OR10H5: variants seen among roughly 807,000 people sequenced by gnomAD.
The protein encoded by OR10H5 is olfactory receptor family 10 subfamily H member 5.
In OR10H5, 7 loss-of-function variants were observed where a neutral mutation model predicts 12.2. The observed-to-expected ratio is 0.57, with a 90% CI of 0.33 to 1.07. The LOEUF (loss-of-function observed/expected upper bound fraction) is 1.07, where lower values mean the gene tolerates loss of function less well. OR10H5 is among the 50% of genes least tolerant of loss of function. OR10H5 has a pLI of 0.04. For missense variants in OR10H5, 346 were observed against 411.6 expected (o/e 0.84, Z 1.38); for synonymous variants, 159 against 175.1 (o/e 0.91, Z 0.73).
At position 15,792,772 on chromosome 19, in the gene OR10H5, C is replaced by T. The variant is rs906962841; in HGVS notation, c.-11-1266C>T. 3.3e-5 allele frequency among the ~76,000 whole-genome samples: 5 copies of T among 152,012 alleles called. No homozygotes were observed. The East Asian group carries it at 7.7e-4, about 23-fold the overall frequency. On this transcript the variant is annotated intron_variant, in intron 1 of 1. Transcript: ENST00000642092. ...TGAGCTACTGTGCCCGGCCCTTAAC[C>T]TTAAATTCTTAAGTGTTTATTCCAG...
Position 15,794,889 on chromosome 19 carries a change from G to T in OR10H5, c.841G>T (p.Val281Phe). The T allele has an allele frequency of 6.2e-7, 1 of 1,614,080 alleles. No individual in the cohort carries two copies. The highest frequency in any genetic ancestry group is 8.5e-7 in the Non-Finnish European group (1 of 1,180,020). Reference protein sequence around the residue: ...GDTLMGITYTVLTPFLSPIIF... With the variant: ...GDTLMGITYTFLTPFLSPIIF... ...CACCTTGATGGGCATCACCTACACG[G>T]TCCTCACACCCTTCCTCAGCCCCAT... Residue 281 changes from valine to phenylalanine, a missense_variant, in exon 2 of 2, where the codon GTC (valine) becomes TTC (phenylalanine). Coordinates refer to ENST00000642092, the MANE Select transcript of OR10H5 (RefSeq NM_001004466.2).
intron 1 of OR10H5, among the ~76,000 whole-genome samples, chr19:15,790,172 G>A (rs2088803228): frequency 6.6e-6 from 1 of 152,126 alleles, no homozygotes; most frequent in African/African-American, 2.4e-5. Context: ...GAAGAGGTGA[G>A]CTGCACAAGG....
At chr19:15,789,575 G>A (rs992212561) in intron 1 of OR10H5, among the ~76,000 whole-genome samples, 3 of 152,100 alleles carry the variant, frequency 2.0e-5, no homozygotes, top group Non-Finnish European at 4.4e-5. Context: ...TTCTGCGTGT[G>A]CACCAGTCTG....
rs1043630255 is a variant in OR10H5, at chr19:15,787,733, A to G, written c.-12+17A>G. 6.6e-6 allele frequency: 1 copy of G among 152,454 alleles called. No homozygotes were observed. The highest frequency in any genetic ancestry group is 2.4e-5 in the African/African-American group (1 of 41,434). The allele number at this position is 152,454 out of a possible 1,614,324, so 9.4% of individuals were successfully genotyped here. ...CTGATGAAGGTAAGTGGAGTCGTCTATTTCCAAACCTGCTTTCCAGGATGA... is the reference window on the plus strand; with the variant it reads ...CTGATGAAGGTAAGTGGAGTCGTCTGTTTCCAAACCTGCTTTCCAGGATGA... On this transcript the variant is annotated intron_variant, in intron 1 of 1. Coordinates refer to ENST00000642092, the MANE Select transcript of OR10H5 (RefSeq NM_001004466.2).
At chr19:15,790,483 C>T (rs549198875) in intron 1 of OR10H5, among the ~76,000 whole-genome samples, 115 of 152,284 alleles carry the variant, frequency 7.6e-4, no homozygotes, top group Admixed American at 2.4e-3. Context: ...CATGGGTCTG[C>T]GTGACTCCAC....
chr19:15,788,101 A>C (rs536774253), intron 1 of OR10H5, among the ~76,000 whole-genome samples: 6 of 152,212 alleles, frequency 3.9e-5, no homozygotes, highest in Admixed American at 3.9e-4. Flanking sequence ...ATGTGGGTGT[A>C]CTTAGGCATC....
At position 15,794,435 on chromosome 19, in the gene OR10H5, C is replaced by T. The variant is rs566796292; in HGVS notation, c.387C>T (p.Pro129=). Residue 129 remains proline, a synonymous_variant, in exon 2 of 2, where the codon CCC becomes CCT. Transcript: ENST00000642092. ...GYDRYVAICH[P]LRYNVLMSLR... is the part of the protein sequence containing the mutation. ...ACCGCTACGTGGCCATCTGCCACCC[C>T]CTGCGTTACAACGTGCTCATGAGCC... is the stretch of plus-strand genomic sequence containing the variant. 4 of 1,614,266 alleles carry T rather than the reference C, an allele frequency of 2.5e-6. No homozygotes were observed. Among genetic ancestry groups the T allele is most frequent in the Non-Finnish European group, 2.5e-6 (3 of 1,180,054 alleles).
At chr19:15,791,387 A>T (rs1056493589) in intron 1 of OR10H5, among the ~76,000 whole-genome samples, 1 of 151,996 alleles carries the variant, frequency 6.6e-6, no homozygotes, top group Non-Finnish European at 1.5e-5. Flanking sequence ...AATAAAATTT[A>T]AAAACAGTAG....
At chr19:15,791,069 G>A (rs1208592948) in intron 1 of OR10H5, among the ~76,000 whole-genome samples, 1 of 152,182 alleles carries the variant, frequency 6.6e-6, no homozygotes, top group Non-Finnish European at 1.5e-5. Context: ...ATAGAGGCCA[G>A]GGATGGTGAC....
In OR10H5 at chr19:15,797,604, T is replaced by A. The variant is rs558627170; in HGVS notation, c.*2608T>A. On this transcript the variant is annotated 3_prime_UTR_variant, in exon 2 of 2. Transcript: ENST00000642092. ...TTTGAAACAACCGGAGAAGTTGGGCTTAGTGTTGTTTTTATACATGGCATA... is the reference window on the plus strand; with the variant it reads ...TTTGAAACAACCGGAGAAGTTGGGCATAGTGTTGTTTTTATACATGGCATA... The A allele has an allele frequency of 2.2e-4, 34 of 152,278 alleles. No homozygotes were observed. Among genetic ancestry groups the A allele is most frequent in the African/African-American group, 8.2e-4 (34 of 41,544 alleles). The allele number at this position is 152,278 out of a possible 1,614,324, so 9.4% of individuals were successfully genotyped here.
Position 15,794,037 on chromosome 19 carries a change from G to A in OR10H5, c.-11-1G>A. 1.2e-6 allele frequency: 2 copies of A among 1,604,614 alleles called. No homozygotes were observed. Among genetic ancestry groups the A allele is most frequent in the East Asian group, 4.5e-5 (2 of 44,758 alleles). The stretch of plus-strand genomic sequence containing the variant: ...TCTTCTTTCCTCTCTCCACCAACTA[G>A]GGGTGGCCGCCATGCAGGGGCTAAA... On this transcript the variant is annotated splice_acceptor_variant, in intron 1 of 1. Coordinates refer to ENST00000642092, the MANE Select transcript of OR10H5 (RefSeq NM_001004466.2). LOFTEE classifies it low-confidence loss of function (5UTR_SPLICE).
chr19:15,795,068 T>G lies in OR10H5; in HGVS notation c.*72T>G, dbSNP rs2088832932. On this transcript the variant is annotated 3_prime_UTR_variant, in exon 2 of 2. Coordinates refer to ENST00000642092, the MANE Select transcript of OR10H5 (RefSeq NM_001004466.2). ...GTCTTCCTCCTTTATTTCTTTTCCT[T>G]TCCTCCCTCCCTCCTTTCCTCCCTC... 2.3e-6 allele frequency: 3 copies of G among 1,326,030 alleles called. No individual in the cohort carries two copies. The highest frequency in any genetic ancestry group is 3.1e-6 in the Non-Finnish European group (3 of 963,694). The allele number at this position is 1,326,030 out of a possible 1,614,324, so 82.1% of individuals were successfully genotyped here.
chr19:15,798,399 C>T lies in OR10H5; in HGVS notation c.*3403C>T, dbSNP rs368925320. ...GCCTTCACTTTCTGAAGTCTCACACCTCCTGCATTCCTCACTGTTTGCCAA... is the reference window on the plus strand; with the variant it reads ...GCCTTCACTTTCTGAAGTCTCACACTTCCTGCATTCCTCACTGTTTGCCAA... On this transcript the variant is annotated 3_prime_UTR_variant, in exon 2 of 2. Transcript: ENST00000642092. 4 of 152,212 alleles carry T rather than the reference C, an allele frequency of 2.6e-5. No homozygotes were observed. Among genetic ancestry groups the T allele is most frequent in the African/African-American group, 9.6e-5 (4 of 41,498 alleles). 9.4% of individuals were successfully genotyped at this position (152,212 alleles called of 1,614,324 possible).
chr19:15,791,010 G>A (rs1438090008), intron 1 of OR10H5, among the ~76,000 whole-genome samples: 2 of 152,104 alleles, frequency 1.3e-5, no homozygotes, highest in African/African-American at 4.8e-5. Context: ...GGAAGGGTAG[G>A]CAGAAGGGAG....
At chr19:15,791,939 C>T (rs1397666508) in intron 1 of OR10H5, among the ~76,000 whole-genome samples, 6 of 151,866 alleles carry the variant, frequency 4.0e-5, no homozygotes, top group South Asian at 2.1e-4. Context: ...ATGATCTGCC[C>T]GTCTCAGCCT....
rs1250476325 is a variant in OR10H5, at chr19:15,800,327, G to A, written c.*5331G>A. 6.6e-6 allele frequency: 1 copy of A among 152,206 alleles called. No individual in the cohort carries two copies. Among genetic ancestry groups the A allele is most frequent in the Non-Finnish European group, 1.5e-5 (1 of 68,096 alleles). The allele number at this position is 152,206 out of a possible 1,614,324, so 9.4% of individuals were successfully genotyped here. Reference sequence around the variant, plus strand: ...TGCCTAGAAAAATGCCTGGTACACAGTAGGTGCTCAATAAATGCTTTTTGA... The same window carrying A: ...TGCCTAGAAAAATGCCTGGTACACAATAGGTGCTCAATAAATGCTTTTTGA... On this transcript the variant is annotated 3_prime_UTR_variant, in exon 2 of 2. Transcript: ENST00000642092.
At position 15,797,907 on chromosome 19, in the gene OR10H5, G is replaced by A. The variant is rs931509214; in HGVS notation, c.*2911G>A. The A allele has an allele frequency of 6.6e-6, 1 of 151,814 alleles. No individual in the cohort carries two copies. Among genetic ancestry groups the A allele is most frequent in the Non-Finnish European group, 1.5e-5 (1 of 67,990 alleles). 9.4% of individuals were successfully genotyped at this position (151,814 alleles called of 1,614,324 possible). On this transcript the variant is annotated 3_prime_UTR_variant, in exon 2 of 2. Coordinates refer to ENST00000642092, the MANE Select transcript of OR10H5 (RefSeq NM_001004466.2). ...TACTAAAAATACAAAAATTAGCTGG[G>A]TGTGGTGTGCGTGTGTGGTCCCAGC...
At chr19:15,788,795 C>A (rs1270679851) in intron 1 of OR10H5, among the ~76,000 whole-genome samples, 1 of 152,198 alleles carries the variant, frequency 6.6e-6, no homozygotes, top group African/African-American at 2.4e-5. Flanking sequence ...CCACACCCAG[C>A]TGATCTCATT....
intron 1 of OR10H5, among the ~76,000 whole-genome samples, chr19:15,788,525 G>T (rs930291643): frequency 4.0e-4 from 61 of 152,024 alleles, no homozygotes; most frequent in African/African-American, 1.4e-3. Flanking sequence ...TTTGGACAGG[G>T]TCTCGCTCTG....
Sources: gnomAD v4.1 joint callset for allele counts (sites outside exome capture counted in the v4.1 genomes callset) on GRCh38, gnomAD v4.1.1 for gene constraint, MANE v1.5 for transcripts, NCBI Gene and HGNC (gene_info 2026-07-23, HGNC 2026-07-21) for gene names.